Variants in WDR76 observed in about 807,000 individuals in gnomAD.
WDR76 encodes WD repeat domain 76, also known as WD repeat-containing protein 76.
WDR76 carries 52 observed loss-of-function variants against 70.2 expected under a neutral mutation model. The ratio of observed to expected loss-of-function variants is 0.74; its 90% CI spans 0.59 to 0.93. The LOEUF is 0.93. WDR76 is among the 40% of genes least tolerant of loss of function. The pLI is 0.00. For missense variants in WDR76, 756 were observed against 760.2 expected, an observed-to-expected ratio of 0.99 and a Z score of 0.07; for synonymous variants, 292 against 271.1, an observed-to-expected ratio of 1.08 and a Z score of -0.76.
At chr15:43,866,044 G>T in intron 12 of WDR76, 84 bp from the exon 13 acceptor site, 2 of 1,486,502 alleles carry the variant, frequency 1.3e-6, no homozygotes, top group South Asian at 2.6e-5. Context: ...CTAGCATTTA[G>T]GAGCAATGCC....
At chr15:43,834,351 A>G (rs1038498269) in intron 2 of WDR76, among the ~76,000 whole-genome samples, 3 of 146,396 alleles carry the variant, frequency 2.0e-5, no homozygotes, top group African/African-American at 7.7e-5. Context: ...TCCAGGCTAG[A>G]GTGCAATGGT....
At chr15:43,854,559 G>A (rs921187528) in intron 9 of WDR76, among the ~76,000 whole-genome samples, 1 of 152,108 alleles carries the variant, frequency 6.6e-6, no homozygotes, top group Non-Finnish European at 1.5e-5. Flanking sequence ...GACAGAGGGA[G>A]ACTCTCAAAA....
At chr15:43,865,325 T>C (rs994641254) in intron 12 of WDR76, among the ~76,000 whole-genome samples, 7 of 152,174 alleles carry the variant, frequency 4.6e-5, no homozygotes, top group Admixed American at 1.3e-4. Context: ...CAGGCTGGAA[T>C]GCAGTGGTGC....
At chr15:43,863,110 AT>A (rs542277944) in intron 12 of WDR76, among the ~76,000 whole-genome samples, 4 of 151,448 alleles carry the variant, frequency 2.6e-5, no homozygotes, top group East Asian at 2.0e-4. Flanking sequence ...TAATTTTTGT[AT>A]TTTTTTTAGT....
Position 43,866,381 on chromosome 15 carries a change from A to C in WDR76, c.1870A>C (p.Lys624Gln). ...GAAGATACATGTTTTTATGAATGAA[A>C]AAAGCTGCTGAGTTTTTGGTTTAGG... The part of the protein sequence containing the change: ...SGKIHVFMNE[K>Q]SC Residue 624 changes from lysine to glutamine, a missense_variant, in exon 13 of 13, where the codon AAA becomes CAA. Coordinates refer to ENST00000263795, the MANE Select transcript of WDR76 (RefSeq NM_024908.4). 3 of 1,613,740 alleles carry C rather than the reference A, an allele frequency of 1.9e-6. No homozygotes were observed. Among genetic ancestry groups the C allele is most frequent in the Non-Finnish European group, 2.5e-6 (3 of 1,179,632 alleles).
At chr15:43,848,766 C>G (rs545123114) in intron 8 of WDR76, among the ~76,000 whole-genome samples, 1 of 152,230 alleles carries the variant, frequency 6.6e-6, no homozygotes, top group East Asian at 1.9e-4. Flanking sequence ...TGGTGAAACC[C>G]TGTCTCTACT....
chr15:43,827,899 A>G, intron 1 of WDR76, 66 bp from the exon 2 acceptor site: 1 of 1,424,630 alleles, frequency 7.0e-7, no homozygotes, highest in Non-Finnish European at 9.4e-7. Context: ...TCTGTTAGGG[A>G]TCCTGTAAGA....
rs2087700553 is a variant in WDR76 at position 43,839,718 on chromosome 15, C to T, written c.722C>T (p.Ala241Val). 3 of 1,604,388 alleles carry T rather than the reference C, an allele frequency of 1.9e-6. No individual in the cohort carries two copies. Among genetic ancestry groups the T allele is most frequent in the African/African-American group, 2.7e-5 (2 of 74,662 alleles). The change falls in exon 5 of 13, where the codon GCA becomes GTA. Residue 241 changes from alanine to valine, a missense_variant. Physicochemically the swap from Ala to Val is moderately conservative, Grantham distance 64. Transcript: ENST00000263795. ...GCTCCAACACCGCCGACATTAGTAG[C>T]AGATGAAACTGTAAGGAAATGTGCA... is the stretch of plus-strand genomic sequence containing the variant. ...PAAPTPPTLV[A>V]DETPLLPPGP...
chr15:43,840,933 A>C (rs748558879), intron 5 of WDR76, among the ~76,000 whole-genome samples: 1 of 151,804 alleles, frequency 6.6e-6, no homozygotes, highest in Non-Finnish European at 1.5e-5. Context: ...ATATATATTT[A>C]TTTACATTGT....
At chr15:43,866,062 C>T in intron 12 of WDR76, 66 bp from the exon 13 acceptor site, 2 of 1,566,920 alleles carry the variant, frequency 1.3e-6, no homozygotes, top group South Asian at 2.3e-5. Context: ...GCCGTCTTTA[C>T]CCTCTGCCCA....
Position 43,835,246 on chromosome 15 carries a change from C to A in WDR76, c.552+96C>A, listed in dbSNP as rs948795157. 2.7e-6 allele frequency: 3 copies of A among 1,121,324 alleles called. No homozygotes were observed. In the African/African-American group the frequency reaches 4.6e-5, roughly 17 times the overall value. 69.5% of individuals were successfully genotyped at this position (1,121,324 alleles called of 1,614,324 possible). A position where few individuals can be genotyped will look rare whatever the true frequency, so the allele number is the denominator to read the frequency against. ...CTTGGGGAGGCTGACATGGGAGAAT[C>A]GCTTGAGGCCAGGAGTTCGAGATCA... On this transcript the variant is annotated intron_variant, in intron 3 of 12. Transcript: ENST00000263795.
At position 43,866,292 on chromosome 15, in the gene WDR76, CTG is replaced by C. The variant is rs753491159; in HGVS notation, c.1787_1788del (p.Cys596PhefsTer16). The C allele has an allele frequency of 1.9e-6, 3 of 1,614,076 alleles. No individual in the cohort carries two copies. Among genetic ancestry groups the C allele is most frequent in the African/African-American group, 2.7e-5 (2 of 74,998 alleles). On this transcript the variant is annotated frameshift_variant, in exon 13 of 13. Transcript: ENST00000263795. LOFTEE classifies it high-confidence loss of function. ...TCGTTTGGTGGAGAATACCTTGTCT[CTG>C]TGTGTTCCATCAATGCCATGCACCC...
intron 2 of WDR76, among the ~76,000 whole-genome samples, chr15:43,831,872 C>T (rs1051309116): frequency 2.0e-5 from 3 of 150,508 alleles, no homozygotes; most frequent in South Asian, 2.1e-4. Context: ...TCTCACCTGT[C>T]GCCCAGGCTG....
Position 43,831,566 on chromosome 15 carries a change from GTAGCTGGGATTAC to G in WDR76, c.462+3202_462+3214del, listed in dbSNP as rs1379545679. Among the ~76,000 whole-genome samples, 18 of 152,130 alleles carry G rather than the reference GTAGCTGGGATTAC, an allele frequency of 1.2e-4. No homozygotes were observed. In the South Asian group the frequency reaches 3.7e-3, roughly 32 times the overall value. On this transcript the variant is annotated intron_variant, in intron 2 of 12. Coordinates refer to ENST00000263795, the MANE Select transcript of WDR76 (RefSeq NM_024908.4). ...CGATTCTCCCATCTCAGCGTCCCGA[GTAGCTGGGATTAC>G]TGGCGTGTGCCACCATGCCTAGCTA... is the stretch of plus-strand genomic sequence containing the variant.
intron 2 of WDR76, among the ~76,000 whole-genome samples, chr15:43,830,137 G>C (rs1328338144): frequency 6.6e-6 from 1 of 151,654 alleles, no homozygotes; most frequent in East Asian, 1.9e-4. Context: ...AAAGTGCTAG[G>C]ATTATAGGCT....
At chr15:43,861,017 C>A (rs921128161) in intron 11 of WDR76, among the ~76,000 whole-genome samples, 1 of 141,464 alleles carries the variant, frequency 7.1e-6, no homozygotes, top group African/African-American at 2.7e-5. Context: ...AACTCCTGGG[C>A]TCAAGTGATC....
rs1383803451 is a variant in WDR76 at position 43,842,468 on chromosome 15, CAA to C, written c.787_788del (p.Asn263Ter). On this transcript the variant is annotated frameshift_variant, in exon 6 of 13. Coordinates refer to ENST00000263795, the MANE Select transcript of WDR76 (RefSeq NM_024908.4). LOFTEE classifies it high-confidence loss of function. ...EMTSENQEDN[N>X]ERFKGFLHTW... ...TGACTTCTGAAAATCAAGAAGACAA[CAA>C]TGAACGATTTAAAGGATTTCTGCAC... The C allele has an allele frequency of 1.2e-6, 2 of 1,613,850 alleles. No homozygotes were observed. The highest frequency in any genetic ancestry group is 2.7e-5 in the African/African-American group (2 of 74,882).
chr15:43,846,698 T>C (rs1441739832), intron 8 of WDR76, among the ~76,000 whole-genome samples: 2 of 152,118 alleles, frequency 1.3e-5, no homozygotes, highest in Non-Finnish European at 2.9e-5. Context: ...ATAAAAATCC[T>C]TTTTTCATAT....
intron 4 of WDR76, among the ~76,000 whole-genome samples, chr15:43,839,229 A>C (rs2087692948): frequency 1.3e-5 from 2 of 152,188 alleles, no homozygotes; most frequent in Admixed American, 6.6e-5. Flanking sequence ...GTATTCCTCC[A>C]AAGGTAACCT....
Sources: allele counts gnomAD v4.1 joint callset (sites outside exome capture counted in the v4.1 genomes callset), GRCh38; gene constraint gnomAD v4.1.1; transcripts MANE v1.5; gene names NCBI Gene and HGNC (gene_info 2026-07-23, HGNC 2026-07-21).